The following TICRR variants were observed in gnomAD, a reference collection of about 807,000 sequenced individuals.
TICRR encodes treslin.
TICRR carries 132 observed loss-of-function variants against 178.1 expected under a neutral mutation model. That is an observed-to-expected ratio of 0.74 (90% CI 0.64 to 0.86). The LOEUF is 0.86. TICRR is among the 40% of genes least tolerant of loss of function. The pLI, the probability that TICRR is intolerant of heterozygous loss-of-function variation, is 0.00. For synonymous variants in TICRR, 991 were observed against 900.7 expected (o/e 1.10, Z -1.79); for missense variants, 2,587 against 2,334.3 (o/e 1.11, Z -2.23).
chr15:89,617,765 C>T (rs1225208849), intron 16 of TICRR, among the ~76,000 whole-genome samples: 1 of 150,094 alleles, frequency 6.7e-6, no homozygotes. Flanking sequence ...GATCCTGGCT[C>T]ACTGCAACGT....
intron 19 of TICRR, 21 bp from the exon 20 acceptor site, chr15:89,623,602 A>T (rs747197843): frequency 6.3e-7 from 1 of 1,586,372 alleles, no homozygotes; most frequent in South Asian, 1.2e-5. Flanking sequence ...CAAGGACTGA[A>T]ATAAGCATTT....
At chr15:89,592,944 G>C (rs1176528466) in intron 5 of TICRR, among the ~76,000 whole-genome samples, 3 of 152,186 alleles carry the variant, frequency 2.0e-5, no homozygotes, top group Non-Finnish European at 4.4e-5. Flanking sequence ...TTTCTAGACA[G>C]AATACAGTCC....
At position 89,618,224 on chromosome 15, in the gene TICRR, CTT is replaced by C; in HGVS notation, c.3019+18_3019+19del. The C allele has an allele frequency of 6.2e-7, 1 of 1,613,346 alleles. No individual in the cohort carries two copies. Among genetic ancestry groups the C allele is most frequent in the Non-Finnish European group, 8.5e-7 (1 of 1,179,334 alleles). On this transcript the variant is annotated intron_variant, in intron 17 of 21. Transcript: ENST00000268138. Reference sequence around the variant, plus strand: ...AAAAAGGAGATGGTGAGTGTTATCTCTTTTTGTTTTTAATGCAATCTACCCAG... The same window carrying C: ...AAAAAGGAGATGGTGAGTGTTATCTCTTTGTTTTTAATGCAATCTACCCAG...
chr15:89,577,718 C>A (rs1030688497), intron 1 of TICRR, among the ~76,000 whole-genome samples: 2 of 145,768 alleles, frequency 1.4e-5, no homozygotes, highest in Non-Finnish European at 3.0e-5. Flanking sequence ...AAGCAATTCT[C>A]CTGCCTCAGC....
chr15:89,619,773 T>A lies in TICRR; in HGVS notation c.3085T>A (p.Phe1029Ile). Residue 1029 changes from phenylalanine to isoleucine, a missense_variant, in exon 18 of 22, where the codon TTC becomes ATC. By Grantham distance (21) the Phe-to-Ile change is conservative (BLOSUM62 0). Transcript: ENST00000268138. ...LSFSRTHSAS[F>I]YSVSQPKSRS... is the part of the protein sequence containing the mutation. The stretch of plus-strand genomic sequence containing the variant: ...ATTTAGCAGGACACATTCTGCCTCC[T>A]TCTATTCTGTGTCTCAGCCGAAGTC... 1 of 1,614,050 alleles carries A rather than the reference T, an allele frequency of 6.2e-7. No individual in the cohort carries two copies. The highest frequency in any genetic ancestry group is 8.5e-7 in the Non-Finnish European group (1 of 1,179,980).
At chr15:89,626,603 G>A (rs1400990410) in intron 21 of TICRR, among the ~76,000 whole-genome samples, 2 of 152,124 alleles carry the variant, frequency 1.3e-5, no homozygotes, top group Non-Finnish European at 2.9e-5. Context: ...TGCAGGAGGA[G>A]GGGGCCTTTG....
chr15:89,591,376 G>A (rs1962909883), intron 4 of TICRR: 2 of 151,874 alleles, frequency 1.3e-5, no homozygotes, highest in African/African-American at 2.4e-5. Flanking sequence ...CACCCACCTC[G>A]GCCTCCCAAA....
At chr15:89,618,293 T>A in intron 17 of TICRR, 83 bp downstream of exon 17, 1 of 1,264,380 alleles carries the variant, frequency 7.9e-7, no homozygotes, top group Non-Finnish European at 1.2e-6. Flanking sequence ...ACTTGGCATA[T>A]CCTAAGATAT....
At chr15:89,595,733 G>C (rs1260277257) in intron 7 of TICRR, 122 bp downstream of exon 7, 4 of 678,132 alleles carry the variant, frequency 5.9e-6, no homozygotes, top group Non-Finnish European at 1.0e-5. Context: ...GGTGAATACA[G>C]TAAATAATAA....
chr15:89,608,219 A>G (rs2141970273), intron 14 of TICRR, among the ~76,000 whole-genome samples: 1 of 152,330 alleles, frequency 6.6e-6, no homozygotes, highest in East Asian at 1.9e-4. Context: ...GTAATGGAAT[A>G]CTACAAACCA....
At position 89,618,183 on chromosome 15, in the gene TICRR, G is replaced by T. The variant is rs1196647777; in HGVS notation, c.2992G>T (p.Val998Phe). ...SSDPGPDIGVVEESPEKGDEI... is the reference protein window; with the variant it reads ...SSDPGPDIGVFEESPEKGDEI... ...TGATCCTGGTCCTGATATTGGTGTTGTTGAAGAGTCCCCTGAAAAAGGAGA... is the reference window on the plus strand; with the variant it reads ...TGATCCTGGTCCTGATATTGGTGTTTTTGAAGAGTCCCCTGAAAAAGGAGA... The change falls in exon 17 of 22, where the codon GTT (valine) becomes TTT (phenylalanine). Residue 998 changes from valine (V) to phenylalanine (F), a missense_variant. Coordinates refer to ENST00000268138, the MANE Select transcript of TICRR (RefSeq NM_152259.4). 5.0e-6 allele frequency: 8 copies of T among 1,614,176 alleles called. No homozygotes were observed. Among genetic ancestry groups the T allele is most frequent in the Non-Finnish European group, 6.8e-6 (8 of 1,180,024 alleles).
At chr15:89,596,886 A>G (rs917841055) in intron 7 of TICRR, among the ~76,000 whole-genome samples, 1 of 152,176 alleles carries the variant, frequency 6.6e-6, no homozygotes, top group Non-Finnish European at 1.5e-5. Flanking sequence ...TAACTGCATT[A>G]TGTATTTACT....
chr15:89,586,983 T>C (rs1219901414), intron 4 of TICRR, among the ~76,000 whole-genome samples: 3 of 152,200 alleles, frequency 2.0e-5, no homozygotes, highest in African/African-American at 7.2e-5. Context: ...ATATTGAGAT[T>C]TGACTATAGA....
chr15:89,620,468 A>G (rs1321938349), intron 18 of TICRR, among the ~76,000 whole-genome samples: 1 of 152,128 alleles, frequency 6.6e-6, no homozygotes. Flanking sequence ...TCGGCCTCCC[A>G]AAGTGCTGGG....
At chr15:89,603,287 C>T (rs908520782) in intron 13 of TICRR, among the ~76,000 whole-genome samples, 1 of 152,130 alleles carries the variant, frequency 6.6e-6, no homozygotes, top group African/African-American at 2.4e-5. Flanking sequence ...ACTTTAATAA[C>T]AAATTTAGGC....
chr15:89,627,422 A>G lies in TICRR; in HGVS notation c.*336A>G, dbSNP rs1165803582. On this transcript the variant is annotated 3_prime_UTR_variant, in exon 22 of 22. Coordinates refer to ENST00000268138, the MANE Select transcript of TICRR (RefSeq NM_152259.4). ...GGGGGCCACTCTGCCTCATTTATGC[A>G]AATGGAGAAAGGCGCCCTCCCTGGG... 4 of 282,148 alleles carry G rather than the reference A, an allele frequency of 1.4e-5. No homozygotes were observed. The highest frequency in any genetic ancestry group is 9.5e-5 in the Admixed American group (2 of 20,954). The allele number at this position is 282,148 out of a possible 1,614,324, so 17.5% of individuals were successfully genotyped here.
rs145078357 is a variant in TICRR at position 89,584,208 on chromosome 15, C to A, written c.935-78C>A. On this transcript the variant is annotated intron_variant, in intron 2 of 21. Transcript: ENST00000268138. ...TTGTTATTAAATCTCTTTTTAGTAT[C>A]TATTCCTTATATTGGAATTTTAATC... 1.7e-3 allele frequency: 2,313 copies of A among 1,344,576 alleles called. 33 individuals are homozygous for A. The African/African-American group carries it at 0.029, about 17-fold the overall frequency. 83.3% of individuals were successfully genotyped at this position (1,344,576 alleles called of 1,614,324 possible).
chr15:89,622,652 C>T (rs911924106), intron 19 of TICRR, among the ~76,000 whole-genome samples: 1 of 152,206 alleles, frequency 6.6e-6, no homozygotes, highest in South Asian at 2.1e-4. Flanking sequence ...TCTCCTCCCC[C>T]AGGCAGGCAG....
chr15:89,576,653 T>G (rs1192205472), intron 1 of TICRR, among the ~76,000 whole-genome samples: 1 of 151,994 alleles, frequency 6.6e-6, no homozygotes, highest in African/African-American at 2.4e-5. Context: ...CAGTGACAAC[T>G]GCTCAGTCCA....
Sources: allele counts gnomAD v4.1 joint callset (sites outside exome capture counted in the v4.1 genomes callset), GRCh38; gene constraint gnomAD v4.1.1; transcripts MANE v1.5; gene names NCBI Gene and HGNC (gene_info 2026-07-23, HGNC 2026-07-21).